The following NPAS2 variants were observed in gnomAD, a reference collection of about 807,000 sequenced individuals.
NPAS2 encodes the protein neuronal PAS domain protein 2.
In NPAS2, 23 loss-of-function variants were observed where a neutral mutation model predicts 107.5. That is an observed-to-expected ratio of 0.21 (90% CI 0.15 to 0.30). NPAS2 has a LOEUF of 0.30. Among genes scored for constraint, NPAS2 ranks in the 10% least tolerant of loss-of-function variants. The pLI, the probability that NPAS2 is intolerant of heterozygous loss-of-function variation, is 1.00. For missense variants in NPAS2, 756 were observed against 1,043.3 expected, an observed-to-expected ratio of 0.72 and a Z score of 3.79; for synonymous variants, 403 against 417.5, an observed-to-expected ratio of 0.97 and a Z score of 0.42.
At chr2:100,949,143 A>G (rs1675074470) in intron 6 of NPAS2, among the ~76,000 whole-genome samples, 1 of 152,232 alleles carries the variant, frequency 6.6e-6, no homozygotes, top group South Asian at 2.1e-4. Flanking sequence ...GCAAATTAAG[A>G]CTAATTGGGT....
chr2:100,829,640 C>T (rs1439922225), intron 1 of NPAS2, among the ~76,000 whole-genome samples: 3 of 152,040 alleles, frequency 2.0e-5, no homozygotes, highest in Non-Finnish European at 2.9e-5. Flanking sequence ...TATTTGGATG[C>T]CTTTACTTTC....
chr2:100,963,428 C>T (rs1406120629), intron 7 of NPAS2, among the ~76,000 whole-genome samples: 1 of 144,762 alleles, frequency 6.9e-6, no homozygotes, highest in African/African-American at 2.9e-5. Context: ...TGTTTGGAGA[C>T]AGAGTCTTAC....
At chr2:100,963,267 G>A (rs142714469) in intron 7 of NPAS2, among the ~76,000 whole-genome samples, 11 of 152,330 alleles carry the variant, frequency 7.2e-5, no homozygotes, top group Non-Finnish European at 1.3e-4. Flanking sequence ...CAATGATGCC[G>A]AGACACCCCT....
At chr2:100,859,769 G>T (rs1328980610) in intron 1 of NPAS2, among the ~76,000 whole-genome samples, 1 of 152,248 alleles carries the variant, frequency 6.6e-6, no homozygotes, top group Non-Finnish European at 1.5e-5. Context: ...TGGGTGGGTT[G>T]GTTGGTTGGT....
At chr2:100,823,127 CA>C (rs1244193720) in intron 1 of NPAS2, among the ~76,000 whole-genome samples, 1 of 152,074 alleles carries the variant, frequency 6.6e-6, no homozygotes, top group African/African-American at 2.4e-5. Flanking sequence ...GGTCACTATC[CA>C]AAGGTGAGAA....
At chr2:100,964,499 G>A (rs142727639) in intron 8 of NPAS2, among the ~76,000 whole-genome samples, 56 of 152,326 alleles carry the variant, frequency 3.7e-4, no homozygotes, top group African/African-American at 1.3e-3. Context: ...TTGGAGCGCT[G>A]GGGGTTTGTC....
rs775429015 is a variant in NPAS2, at chr2:100,995,405, G to C, written c.2298G>C (p.Gln766His). 1.2e-5 allele frequency: 19 copies of C among 1,611,770 alleles called. No homozygotes were observed. The highest frequency in any genetic ancestry group is 8.5e-7 in the Non-Finnish European group (1 of 1,179,040). ...QQPPQHYLQV[Q>H]APTSLHSEQQ... The stretch of plus-strand genomic sequence containing the variant: ...CTTTGTTCTTTTTTTTCTAGGTACA[G>C]GCACCAACCTCTTTGCACAGTGAGC... The change falls in exon 21 of 21, where the codon CAG becomes CAC. Residue 766 changes from glutamine to histidine, a missense_variant. By Grantham distance (24) the Gln-to-His change is conservative (BLOSUM62 0). Coordinates refer to ENST00000335681, the MANE Select transcript of NPAS2 (RefSeq NM_002518.4).
intron 1 of NPAS2, among the ~76,000 whole-genome samples, chr2:100,854,378 C>T (rs992003824): frequency 1.2e-4 from 18 of 151,944 alleles, no homozygotes; most frequent in African/African-American, 4.1e-4. Flanking sequence ...GTGGCTGAAT[C>T]CAAGCAAGAG....
At chr2:100,874,667 G>C (rs763293166) in intron 1 of NPAS2, among the ~76,000 whole-genome samples, 1 of 152,026 alleles carries the variant, frequency 6.6e-6, no homozygotes, top group Non-Finnish European at 1.5e-5. Flanking sequence ...ACTTGAACCC[G>C]GGAGGCGGAG....
intron 5 of NPAS2, among the ~76,000 whole-genome samples, chr2:100,942,738 A>G (rs903580233): frequency 3.3e-5 from 5 of 152,072 alleles, no homozygotes; most frequent in African/African-American, 4.8e-5. Flanking sequence ...TTTTAAGGTC[A>G]TTGTTTGCTT....
intron 4 of NPAS2, 41 bp downstream of exon 4, chr2:100,933,042 A>G (rs769945296): frequency 3.5e-6 from 5 of 1,418,666 alleles, no homozygotes. Context: ...GTTGCCAGTT[A>G]AAATGTAGCT....
At chr2:100,981,320 A>G (rs866308072) in intron 15 of NPAS2, among the ~76,000 whole-genome samples, 43 of 152,144 alleles carry the variant, frequency 2.8e-4, no homozygotes, top group Admixed American at 1.3e-4. Flanking sequence ...GGAGAAAGAG[A>G]AAAACAGAAT....
intron 2 of NPAS2, among the ~76,000 whole-genome samples, chr2:100,922,134 G>GA (rs1683263625): frequency 1.3e-5 from 2 of 152,170 alleles, no homozygotes; most frequent in Non-Finnish European, 2.9e-5. Flanking sequence ...CTATGGCTGG[G>GA]GGTGGGCGGA....
rs1678282764 is a variant in NPAS2 at position 100,852,730 on chromosome 2, C to T, written c.-23+32316C>T. ...AGAGATGGGAGGCACTGATCCCTGC[C>T]CTGGTGTCCTGCACTGTTCAGAGCT... On this transcript the variant is annotated intron_variant, in intron 1 of 20. Transcript: ENST00000335681. Among the ~76,000 whole-genome samples the T allele has an allele frequency of 2.6e-5, 4 of 152,144 alleles. No homozygotes were observed. In the South Asian group the frequency reaches 8.3e-4, roughly 32 times the overall value.
chr2:100,901,947 G>C (rs1476459612), intron 1 of NPAS2, among the ~76,000 whole-genome samples: 1 of 151,996 alleles, frequency 6.6e-6, no homozygotes, highest in Non-Finnish European at 1.5e-5. Flanking sequence ...AAGGCTGTAC[G>C]GCATCCCTCC....
chr2:100,943,730 G>A (rs1374295282), intron 5 of NPAS2, among the ~76,000 whole-genome samples: 1 of 152,200 alleles, frequency 6.6e-6, no homozygotes, highest in Non-Finnish European at 1.5e-5. Context: ...CTGCTACTCA[G>A]GGATGAGCAG....
chr2:100,908,339 A>T (rs1370979426), intron 2 of NPAS2, among the ~76,000 whole-genome samples: 1 of 152,152 alleles, frequency 6.6e-6, no homozygotes, highest in Non-Finnish European at 1.5e-5. Context: ...AGCATTTTAC[A>T]TGCAGTAATT....
chr2:100,825,828 C>G (rs1676339039), intron 1 of NPAS2, among the ~76,000 whole-genome samples: 1 of 152,218 alleles, frequency 6.6e-6, no homozygotes, highest in Non-Finnish European at 1.5e-5. Flanking sequence ...TGCCTGCAAA[C>G]TGGGCAGCCA....
Position 100,965,667 on chromosome 2 carries a change from C to G in NPAS2, c.808C>G (p.Pro270Ala). 1 of 1,612,990 alleles carries G rather than the reference C, an allele frequency of 6.2e-7. No individual in the cohort carries two copies. ...CTCCTTGTCCTTGTGCAGAGCACCT[C>G]CAATCATAGGATACCTGCCTTTTGA... ...KFLFLDHRAP[P>A]IIGYLPFEVL... The change falls in exon 10 of 21, where the codon CCA becomes GCA. Residue 270 changes from proline to alanine, a missense_variant. Transcript: ENST00000335681. This position sits in a 1 kb window ranked among gnomAD's most constrained non-coding sequence, Gnocchi z 4.3.
Sources: allele counts gnomAD v4.1 joint callset (sites outside exome capture counted in the v4.1 genomes callset), GRCh38; gene constraint gnomAD v4.1.1; non-coding constraint Gnocchi (gnomAD v3.1); transcripts MANE v1.5; gene names NCBI Gene and HGNC (gene_info 2026-07-23, HGNC 2026-07-21).